TBC1D21: variants seen among roughly 807,000 people sequenced by gnomAD.
TBC1D21 encodes the protein TBC1 domain family member 21.
A neutral mutation model predicts 46.0 loss-of-function variants in TBC1D21; 38 were observed. The ratio of observed to expected loss-of-function variants is 0.83; its 90% confidence interval spans 0.64 to 1.08. The LOEUF is 1.08. Among genes scored for constraint, TBC1D21 ranks in the 50% least tolerant of loss-of-function variants. The probability of loss-of-function intolerance (pLI) is 0.00; values close to 1 mark genes in which losing one functional copy is unlikely to be tolerated. For synonymous variants in TBC1D21, 151 were observed against 157.2 expected (o/e 0.96, Z 0.29); for missense variants, 415 against 417.9 (o/e 0.99, Z 0.06).
chr15:73,882,009 C>A (rs1389750509), intron 3 of TBC1D21, among the ~76,000 whole-genome samples: 1 of 152,108 alleles, frequency 6.6e-6, no homozygotes, highest in Non-Finnish European at 1.5e-5. Flanking sequence ...GGCCCCAAGT[C>A]CCATCCTTCC....
Position 73,888,364 on chromosome 15 carries a change from T to A in TBC1D21, c.895-66T>A, listed in dbSNP as rs1000076726. ...CCTGGGTGCTGCAGGCAGCTGCATG[T>A]GCCCAAGAGTGCTGGGAGATGTTTG... On this transcript the variant is annotated intron_variant, in intron 9 of 10. Coordinates refer to ENST00000300504, the MANE Select transcript of TBC1D21 (RefSeq NM_153356.3). 1.6e-4 allele frequency: 223 copies of A among 1,376,686 alleles called. 1 individual carries two copies. The highest frequency in any genetic ancestry group is 5.6e-4 in the Middle Eastern group (3 of 5,404). The allele number at this position is 1,376,686 out of a possible 1,614,324, so 85.3% of individuals were successfully genotyped here. A position where few individuals can be genotyped will look rare whatever the true frequency, so the allele number is the denominator to read the frequency against.
chr15:73,888,869 T>C (rs1228206457), intron 10 of TBC1D21, among the ~76,000 whole-genome samples, 200 bp from the exon 11 acceptor site: 1 of 152,174 alleles, frequency 6.6e-6, no homozygotes, highest in African/African-American at 2.4e-5. Flanking sequence ...CTCATGGTCT[T>C]CTCGTTGTTT....
chr15:73,895,573 T>C, the TBC1D21 span, among the ~76,000 whole-genome samples: 1 of 152,188 alleles, frequency 6.6e-6, no homozygotes, highest in Non-Finnish European at 1.5e-5. Context: ...CCTGCAGTGA[T>C]ATGCAAATTG....
At chr15:73,896,379 C>T in the TBC1D21 span, among the ~76,000 whole-genome samples, 3 of 110,162 alleles carry the variant, frequency 2.7e-5, no homozygotes, top group East Asian at 4.0e-4. Context: ...AATGGCAGGT[C>T]GTGGTGGTAA....
At chr15:73,889,374 T>C (rs956163239), downstream of TBC1D21, among the ~76,000 whole-genome samples, 1 of 152,144 alleles carries the variant, frequency 6.6e-6, no homozygotes, top group Admixed American at 6.5e-5. Flanking sequence ...TGGCTCCTCC[T>C]TGATGGAGGG....
chr15:73,882,023 T>C (rs1384944481), intron 3 of TBC1D21, among the ~76,000 whole-genome samples: 1 of 152,070 alleles, frequency 6.6e-6, no homozygotes, highest in Non-Finnish European at 1.5e-5. Context: ...TCCTTCCTTA[T>C]GGCCTATGCA....
At chr15:73,894,678 G>A in the TBC1D21 span, among the ~76,000 whole-genome samples, 2 of 152,158 alleles carry the variant, frequency 1.3e-5, no homozygotes, top group Non-Finnish European at 2.9e-5. Flanking sequence ...GGGGAGAGGC[G>A]CGCAGCTCTG....
chr15:73,877,807 A>T (rs1048861495), intron 1 of TBC1D21, among the ~76,000 whole-genome samples: 1 of 152,252 alleles, frequency 6.6e-6, no homozygotes, highest in Non-Finnish European at 1.5e-5. Context: ...AAACTCAAAA[A>T]AAGAAAACCA....
In TBC1D21 at chr15:73,873,744, C is replaced by CCAGA; in HGVS notation, c.39_42dup (p.Ser15ThrfsTer15). ...CTCTCTCCTGAAAACAGCCTCTCTG[C>CCAGA]CAGACAGTCAGCCTCCTTCATCCTG... On this transcript the variant is annotated frameshift_variant, in exon 1 of 11. Transcript: ENST00000300504. LOFTEE classifies it high-confidence loss of function. The CCAGA allele has an allele frequency of 6.2e-7, 1 of 1,610,380 alleles. No homozygotes were observed. Among genetic ancestry groups the CCAGA allele is most frequent in the East Asian group, 2.2e-5 (1 of 44,812 alleles).
Position 73,889,075 on chromosome 15 carries a change from C to A in TBC1D21, c.985C>A (p.Gln329Lys). The change falls in exon 11 of 11, where the codon CAG (glutamine) becomes AAG (lysine). Residue 329 changes from glutamine to lysine, a missense_variant. By Grantham distance (53) the Gln-to-Lys change is moderately conservative (BLOSUM62 1). Coordinates refer to ENST00000300504, the MANE Select transcript of TBC1D21 (RefSeq NM_153356.3). ...YAELIQKDVP[Q>K]TLKDFFL Reference sequence around the variant, plus strand: ...CCACCTGCCTCCTCCCTAGGTTCCTCAGACATTAAAGGATTTCTTCCTCTG... The same window carrying A: ...CCACCTGCCTCCTCCCTAGGTTCCTAAGACATTAAAGGATTTCTTCCTCTG... 3 of 1,613,514 alleles carry A rather than the reference C, an allele frequency of 1.9e-6. No homozygotes were observed. The highest frequency in any genetic ancestry group is 2.5e-6 in the Non-Finnish European group (3 of 1,179,792).
At chr15:73,890,052 C>T (rs1254682064), downstream of TBC1D21, among the ~76,000 whole-genome samples, 1 of 152,214 alleles carries the variant, frequency 6.6e-6, no homozygotes, top group African/African-American at 2.4e-5. Context: ...TACACACTGC[C>T]CTGCCCAGTG....
At chr15:73,880,702 C>G (rs2068138565) in intron 1 of TBC1D21, among the ~76,000 whole-genome samples, 1 of 151,736 alleles carries the variant, frequency 6.6e-6, no homozygotes, top group Non-Finnish European at 1.5e-5. Context: ...ACCTGGGAGG[C>G]AGAGGTTGCA....
At chr15:73,876,239 T>TG (rs2068065160) in intron 1 of TBC1D21, among the ~76,000 whole-genome samples, 1 of 114,562 alleles carries the variant, frequency 8.7e-6, no homozygotes, top group Non-Finnish European at 1.8e-5. Flanking sequence ...TTTTTTTTTT[T>TG]TTTTTTGAGA....
At chr15:73,907,804 G>A in the TBC1D21 span, among the ~76,000 whole-genome samples, 5 of 152,050 alleles carry the variant, frequency 3.3e-5, no homozygotes, top group Non-Finnish European at 5.9e-5. Flanking sequence ...GGGTATAGAC[G>A]TGAAATTGTT....
the TBC1D21 span, among the ~76,000 whole-genome samples, chr15:73,895,165 C>T: frequency 2.6e-5 from 4 of 152,288 alleles, no homozygotes; most frequent in East Asian, 1.9e-4. Flanking sequence ...TTCTAAAGTA[C>T]GGTCAGGAAT....
At chr15:73,876,433 AG>A (rs1182164402) in intron 1 of TBC1D21, among the ~76,000 whole-genome samples, 3 of 145,864 alleles carry the variant, frequency 2.1e-5, no homozygotes, top group African/African-American at 7.6e-5. Context: ...TTAGTAGAGA[AG>A]GGGTTTCACC....
chr15:73,900,102 C>T, the TBC1D21 span, among the ~76,000 whole-genome samples: 1 of 152,190 alleles, frequency 6.6e-6, no homozygotes, highest in Non-Finnish European at 1.5e-5. Flanking sequence ...CTTCTCCCTC[C>T]TATACATCCA....
intron 1 of TBC1D21, among the ~76,000 whole-genome samples, chr15:73,876,239 T>G (rs1166869357): frequency 1.7e-5 from 2 of 114,546 alleles, no homozygotes; most frequent in African/African-American, 3.7e-5. Flanking sequence ...TTTTTTTTTT[T>G]TTTTTTGAGA....
In TBC1D21 at chr15:73,876,229, T is replaced by G. The variant is rs1237504844; in HGVS notation, c.60+2460T>G. ...TTTTTTTTTTTTTTTTTTTTTTTTT[T>G]TTTTTTTTTTTTTTTTGAGACGGAG... On this transcript the variant is annotated intron_variant, in intron 1 of 10. Transcript: ENST00000300504. Among the ~76,000 whole-genome samples the G allele has an allele frequency of 1.5e-3, 154 of 105,484 alleles. 4 individuals carry two copies. Among genetic ancestry groups the G allele is most frequent in the South Asian group, 5.4e-3 (15 of 2,772 alleles). The allele number at this position is 105,484 out of a possible 152,430, so 69.2% of individuals were successfully genotyped here.
Sources: allele counts gnomAD v4.1 joint callset (sites outside exome capture counted in the v4.1 genomes callset), GRCh38; gene constraint gnomAD v4.1.1; transcripts MANE v1.5; gene names NCBI Gene and HGNC (gene_info 2026-07-23, HGNC 2026-07-21).